PLXDC2: variants seen among roughly 807,000 people sequenced by gnomAD.
The protein encoded by PLXDC2 is plexin domain-containing protein 2.
In PLXDC2, 40 loss-of-function variants were observed where a neutral mutation model predicts 68.9. That is an observed-to-expected ratio of 0.58 (90% CI 0.45 to 0.76). PLXDC2 has a LOEUF of 0.76. PLXDC2 is among the 30% of genes least tolerant of loss of function. The pLI, the probability that PLXDC2 is intolerant of heterozygous loss-of-function variation, is 0.00. For synonymous variants in PLXDC2, 243 were observed against 234.2 expected, an observed-to-expected ratio of 1.04 and a Z score of -0.34; for missense variants, 644 against 661.9, an observed-to-expected ratio of 0.97 and a Z score of 0.30.
chr10:20,097,328 G>T (rs12354472), intron 4 of PLXDC2, among the ~76,000 whole-genome samples: 7,485 of 152,166 alleles, frequency 0.049, 218 homozygotes, highest in Middle Eastern at 0.12. Context: ...AGCCCATGTC[G>T]TGTTGCGTTC....
Position 20,165,688 on chromosome 10 carries a change from G to A in PLXDC2, c.883+1121G>A, listed in dbSNP as rs115931303. Among the ~76,000 whole-genome samples the A allele has an allele frequency of 8.4e-3, 1,281 of 152,164 alleles. 18 individuals carry two copies. Among genetic ancestry groups the A allele is most frequent in the African/African-American group, 0.029 (1,199 of 41,516 alleles). ...CAAATTTAGGTAAATAAAAATCCGGGGGCAGCTCTACCTACCACGAGAGAA... is the reference window on the plus strand; with the variant it reads ...CAAATTTAGGTAAATAAAAATCCGGAGGCAGCTCTACCTACCACGAGAGAA... On this transcript the variant is annotated intron_variant, in intron 7 of 13. Coordinates refer to ENST00000377252, the MANE Select transcript of PLXDC2 (RefSeq NM_032812.9).
intron 6 of PLXDC2, among the ~76,000 whole-genome samples, chr10:20,160,059 G>T (rs1834270505): frequency 6.6e-6 from 1 of 152,100 alleles, no homozygotes; most frequent in African/African-American, 2.4e-5. Context: ...TGAGAGAAGG[G>T]TCTTTGTTTT....
chr10:20,149,283 G>A (rs1834121905), intron 6 of PLXDC2, among the ~76,000 whole-genome samples: 1 of 129,186 alleles, frequency 7.7e-6, no homozygotes, highest in South Asian at 2.6e-4. Context: ...TTGTTGCCCA[G>A]GCTGGAGTGC....
intron 6 of PLXDC2, among the ~76,000 whole-genome samples, chr10:20,160,373 G>T (rs1165856890): frequency 6.6e-6 from 1 of 152,048 alleles, no homozygotes; most frequent in Admixed American, 6.6e-5. Context: ...CATAACTCTT[G>T]ACTACAAATG....
intron 12 of PLXDC2, among the ~76,000 whole-genome samples, chr10:20,228,208 A>G (rs1378180970): frequency 6.6e-6 from 1 of 152,234 alleles, no homozygotes; most frequent in East Asian, 1.9e-4. Flanking sequence ...AGGCATCAGC[A>G]GCGTATAAAT....
intron 6 of PLXDC2, among the ~76,000 whole-genome samples, chr10:20,156,845 T>C (rs1834223795): frequency 6.6e-6 from 1 of 152,190 alleles, no homozygotes; most frequent in Non-Finnish European, 1.5e-5. Flanking sequence ...ATTTTTACAT[T>C]GTCAAGTTTA....
intron 2 of PLXDC2, among the ~76,000 whole-genome samples, chr10:20,029,848 C>T (rs1835469452): frequency 6.6e-6 from 1 of 152,138 alleles, no homozygotes; most frequent in Non-Finnish European, 1.5e-5. Context: ...GAAAGGATTG[C>T]AAGCTCTCTT....
intron 3 of PLXDC2, among the ~76,000 whole-genome samples, chr10:20,067,671 C>T (rs1309606180): frequency 7.3e-6 from 1 of 137,024 alleles, no homozygotes; most frequent in Non-Finnish European, 1.6e-5. Context: ...CTGGGCAAAA[C>T]AGAGAAACTC....
intron 4 of PLXDC2, among the ~76,000 whole-genome samples, chr10:20,126,328 T>TTCACGTTATATA (rs879315209): frequency 0.017 from 2,470 of 143,200 alleles, 98 homozygotes; most frequent in East Asian, 0.041. Context: ...AATATATACA[T>TTCACGTTATATA]ATACGTTATA....
At chr10:20,029,747 A>G (rs1446417279) in intron 2 of PLXDC2, among the ~76,000 whole-genome samples, 4 of 152,194 alleles carry the variant, frequency 2.6e-5, no homozygotes, top group South Asian at 2.1e-4. Context: ...TTACGAAAAT[A>G]TTTGTCTGAA....
intron 9 of PLXDC2, among the ~76,000 whole-genome samples, chr10:20,178,212 G>A (rs1237264773): frequency 6.6e-6 from 1 of 152,236 alleles, no homozygotes; most frequent in East Asian, 1.9e-4. Flanking sequence ...GTTGTAATTA[G>A]CTAACCCTGA....
chr10:19,948,374 TTTTC>T (rs1341913534), intron 1 of PLXDC2, among the ~76,000 whole-genome samples: 1 of 130,178 alleles, frequency 7.7e-6, no homozygotes, highest in Admixed American at 8.2e-5. Context: ...TGCAGAATGA[TTTTC>T]TTTCTTTCTT....
rs964971961 is a variant in PLXDC2 at position 20,285,395 on chromosome 10, G to A, written c.*5576G>A. ...GTAGTGAGAGTCCAGGCATGTAACC[G>A]ATCATTATAATACAATAACATCCCT... On this transcript the variant is annotated 3_prime_UTR_variant, in exon 14 of 14. Transcript: ENST00000377252. The A allele has an allele frequency of 5.9e-5, 9 of 152,092 alleles. No individual in the cohort carries two copies. Among genetic ancestry groups the A allele is most frequent in the African/African-American group, 2.2e-4 (9 of 41,404 alleles). The allele number at this position is 152,092 out of a possible 1,614,324, so 9.4% of individuals were successfully genotyped here. A position where few individuals can be genotyped will look rare whatever the true frequency, so the allele number is the denominator to read the frequency against.
chr10:20,036,664 G>A (rs543492324), intron 2 of PLXDC2, among the ~76,000 whole-genome samples: 1 of 152,032 alleles, frequency 6.6e-6, no homozygotes, highest in South Asian at 2.1e-4. Context: ...ACAGTATCAA[G>A]AATTACAGAA....
intron 6 of PLXDC2, among the ~76,000 whole-genome samples, chr10:20,152,590 T>G (rs896372203): frequency 2.6e-5 from 4 of 152,174 alleles, no homozygotes; most frequent in Non-Finnish European, 5.9e-5. Flanking sequence ...TTCATTATAA[T>G]GCATTTTTCA....
At chr10:19,907,411 A>G (rs1282229043) in intron 1 of PLXDC2, among the ~76,000 whole-genome samples, 1 of 152,178 alleles carries the variant, frequency 6.6e-6, no homozygotes, top group Non-Finnish European at 1.5e-5. Flanking sequence ...ATGTAGGAAA[A>G]TCAACAAGTT....
intron 13 of PLXDC2, among the ~76,000 whole-genome samples, chr10:20,253,830 C>T (rs148931694): frequency 7.3e-4 from 111 of 152,266 alleles, no homozygotes; most frequent in Non-Finnish European, 1.2e-3. Context: ...CCAATATTAA[C>T]GTTTCAAAAG....
intron 1 of PLXDC2, among the ~76,000 whole-genome samples, chr10:19,908,721 C>G (rs1315633062): frequency 6.6e-6 from 1 of 151,944 alleles, no homozygotes; most frequent in Admixed American, 6.6e-5. Flanking sequence ...TGTATATTAC[C>G]TCATTTATTC....
At chr10:20,236,996 TGTTG>T (rs772863689) in intron 12 of PLXDC2, among the ~76,000 whole-genome samples, 4 of 150,690 alleles carry the variant, frequency 2.7e-5, no homozygotes, top group South Asian at 2.1e-4. Context: ...GATTATGAGT[TGTTG>T]TTTTTTTTTT....
Sources: allele counts gnomAD v4.1 joint callset (sites outside exome capture counted in the v4.1 genomes callset), GRCh38; gene constraint gnomAD v4.1.1; transcripts MANE v1.5; gene names NCBI Gene and HGNC (gene_info 2026-07-23, HGNC 2026-07-21).